The following MRPS18A variants were observed in gnomAD, a reference collection of about 807,000 sequenced individuals.
The protein encoded by MRPS18A is large ribosomal subunit protein mL66.
MRPS18A carries 20 observed loss-of-function variants against 22.7 expected under a neutral mutation model. That is an observed-to-expected ratio of 0.88 (90% confidence interval 0.62 to 1.28). The LOEUF is 1.28. Ranked by LOEUF, MRPS18A falls within the 50% of genes most tolerant of loss-of-function variation. MRPS18A has a pLI of 0.00. For synonymous variants in MRPS18A, 106 were observed against 99.1 expected (o/e 1.07, Z -0.41); for missense variants, 294 against 262.6 (o/e 1.12, Z -0.83).
At chr6:43,678,452 C>T in intron 3 of MRPS18A, 66 bp downstream of exon 3, 2 of 1,206,418 alleles carry the variant, frequency 1.7e-6, no homozygotes, top group Non-Finnish European at 2.5e-6. Context: ...CATGCTGCTC[C>T]AGTTAACCAG....
At position 43,678,644 on chromosome 6, in the gene MRPS18A, G is replaced by A; in HGVS notation, c.145-19C>T. The A allele has an allele frequency of 6.4e-7, 1 of 1,565,524 alleles. No individual in the cohort carries two copies. The highest frequency in any genetic ancestry group is 1.7e-5 in the Admixed American group (1 of 59,890). Reference sequence around the variant, plus strand: ...CTTCAATCTAGGAGACAGAGAAAGTGAGCCAGTGTGAGAGACAGGACCTGC... The same window carrying A: ...CTTCAATCTAGGAGACAGAGAAAGTAAGCCAGTGTGAGAGACAGGACCTGC... On this transcript the variant is annotated intron_variant, in intron 2 of 5. Transcript: ENST00000372133.
intron 1 of MRPS18A, among the ~76,000 whole-genome samples, chr6:43,682,557 A>G (rs2127951897): frequency 6.6e-6 from 1 of 152,368 alleles, no homozygotes; most frequent in African/African-American, 2.4e-5. Flanking sequence ...CAATGGCTAG[A>G]AAAGCCCTGA....
At chr6:43,680,399 C>T (rs959492599) in intron 2 of MRPS18A, among the ~76,000 whole-genome samples, 40 of 152,242 alleles carry the variant, frequency 2.6e-4, no homozygotes, top group Middle Eastern at 6.8e-3. Flanking sequence ...ATCTGGTTGA[C>T]ATGGAAGTTA....
chr6:43,680,319 A>G (rs1774328330), intron 2 of MRPS18A, among the ~76,000 whole-genome samples: 1 of 152,146 alleles, frequency 6.6e-6, no homozygotes, highest in African/African-American at 2.4e-5. Flanking sequence ...GGGAGACCCA[A>G]TGGACTTGTC....
intron 3 of MRPS18A, among the ~76,000 whole-genome samples, chr6:43,677,301 C>G (rs971963300): frequency 1.3e-5 from 2 of 152,174 alleles, no homozygotes; most frequent in Non-Finnish European, 2.9e-5. Context: ...AAGAACCCCC[C>G]CAACCCTCAG....
intron 5 of MRPS18A, chr6:43,672,292 T>C (rs1190962648): frequency 2.0e-5 from 9 of 457,816 alleles, no homozygotes; most frequent in African/African-American, 6.0e-5. Flanking sequence ...GAGGAACCCA[T>C]TGCTCTTCCC....
At chr6:43,675,905 G>A (rs1282172184) in intron 3 of MRPS18A, among the ~76,000 whole-genome samples, 3 of 151,906 alleles carry the variant, frequency 2.0e-5, no homozygotes, top group Non-Finnish European at 2.9e-5. Context: ...CCAGGCTGGA[G>A]TGCAGTGGCG....
At position 43,672,008 on chromosome 6, in the gene MRPS18A, G is replaced by C. The variant is rs1773732124; in HGVS notation, c.447-102C>G. ...CTCAGGCCAGGCCACGGTTGGGCAA[G>C]CAAATCCTTTCACCAGTTTCCCTTT... On this transcript the variant is annotated intron_variant, in intron 5 of 5. Coordinates refer to ENST00000372133, the MANE Select transcript of MRPS18A (RefSeq NM_018135.4). 4 of 1,326,410 alleles carry C rather than the reference G, an allele frequency of 3.0e-6. No homozygotes were observed. The East Asian group carries it at 1.0e-4, about 34-fold the overall frequency. 82.2% of individuals were successfully genotyped at this position (1,326,410 alleles called of 1,614,324 possible).
chr6:43,671,700 G>T lies in MRPS18A; in HGVS notation c.*62C>A. 2 of 1,598,982 alleles carry T rather than the reference G, an allele frequency of 1.3e-6. No homozygotes were observed. Among genetic ancestry groups the T allele is most frequent in the East Asian group, 2.2e-5 (1 of 44,802 alleles). On this transcript the variant is annotated 3_prime_UTR_variant, in exon 6 of 6. Coordinates refer to ENST00000372133, the MANE Select transcript of MRPS18A (RefSeq NM_018135.4). ...GGAGTATAGTTGTGGCCAAGGGCTT[G>T]TGAGTGGGCCTCCTACTCCCCAGCA...
chr6:43,677,969 G>A (rs1774153347), intron 3 of MRPS18A, among the ~76,000 whole-genome samples: 2 of 152,064 alleles, frequency 1.3e-5, no homozygotes, highest in Non-Finnish European at 2.9e-5. Flanking sequence ...AGATCACAGT[G>A]AGAACCAAGA....
intron 1 of MRPS18A, 40 bp from the exon 2 acceptor site, chr6:43,681,160 A>G: frequency 6.3e-7 from 1 of 1,597,658 alleles, no homozygotes; most frequent in Non-Finnish European, 8.6e-7. Context: ...CAGCCATTTA[A>G]TAAGGAACAG....
chr6:43,675,762 G>T, intron 3 of MRPS18A, 145 bp from the exon 4 acceptor site: 1 of 933,470 alleles, frequency 1.1e-6, no homozygotes, highest in Non-Finnish European at 1.5e-6. Context: ...CTTTGCACAT[G>T]GGTCTGCTAC....
chr6:43,671,938 G>A lies in MRPS18A; in HGVS notation c.447-32C>T, dbSNP rs1449365779. 5 of 1,554,952 alleles carry A rather than the reference G, an allele frequency of 3.2e-6. No individual in the cohort carries two copies. In the African/African-American group the frequency reaches 6.8e-5, roughly 21 times the overall value. On this transcript the variant is annotated intron_variant, in intron 5 of 5. Transcript: ENST00000372133. ...AGGGAGAACAAAGAGGTGCCTGTGA[G>A]GGCTGGGGGCCCAAGCTGGACGTGG...
At chr6:43,672,386 C>T (rs1437223200) in intron 5 of MRPS18A, 3 of 471,552 alleles carry the variant, frequency 6.4e-6, no homozygotes, top group South Asian at 4.6e-5. Context: ...CCTCACCCAA[C>T]CTGTGATGGG....
chr6:43,675,588 C>T lies in MRPS18A; in HGVS notation c.282G>A (p.Arg94=). The T allele has an allele frequency of 6.2e-7, 1 of 1,613,390 alleles. No individual in the cohort carries two copies. The highest frequency in any genetic ancestry group is 1.1e-5 in the South Asian group (1 of 91,060). The change falls in exon 4 of 6, where the codon CGG becomes CGA. Residue 94 remains arginine (R), a synonymous_variant. Coordinates refer to ENST00000372133, the MANE Select transcript of MRPS18A (RefSeq NM_018135.4). ...TTCGGGGCAGCATGCCTCCATGAGG[C>T]CGGATGAACTGGCTAAGCAGCAGAA... The part of the protein sequence containing the change: ...DDVLLLSQFI[R]PHGGMLPRKI...
intron 5 of MRPS18A, 46 bp from the exon 6 acceptor site, chr6:43,671,952 A>C: frequency 6.5e-7 from 1 of 1,531,658 alleles, no homozygotes; most frequent in Non-Finnish European, 8.8e-7. Flanking sequence ...TGGGGGCCCA[A>C]GCTGGACGTG....
chr6:43,675,733 T>G, intron 3 of MRPS18A, 116 bp from the exon 4 acceptor site: 1 of 1,249,646 alleles, frequency 8.0e-7, no homozygotes, highest in Non-Finnish European at 1.1e-6. Context: ...CTAGCTGAGA[T>G]CACTTCCTCC....
At chr6:43,672,168 T>C (rs1773747655) in intron 5 of MRPS18A, 2 of 553,624 alleles carry the variant, frequency 3.6e-6, no homozygotes, top group African/African-American at 3.8e-5. Flanking sequence ...TCTTTGTAAA[T>C]GTCAATGTTG....
At chr6:43,675,440 TG>T in intron 4 of MRPS18A, 53 bp downstream of exon 4, 1 of 1,613,538 alleles carries the variant, frequency 6.2e-7, no homozygotes, top group Non-Finnish European at 8.5e-7. Flanking sequence ...GGCAGCTGGG[TG>T]GGGAGAGAGT....
Sources: gnomAD v4.1 joint callset for allele counts (sites outside exome capture counted in the v4.1 genomes callset) on GRCh38, gnomAD v4.1.1 for gene constraint, MANE v1.5 for transcripts, NCBI Gene and HGNC (gene_info 2026-07-23, HGNC 2026-07-21) for gene names.